The following UNC13C variants were observed in gnomAD, a reference collection of about 807,000 sequenced individuals.
The protein encoded by UNC13C is unc-13 homolog C.
In UNC13C, 174 loss-of-function variants were observed where a neutral mutation model predicts 245.4. That is an observed-to-expected ratio of 0.71 (90% CI 0.63 to 0.80). UNC13C has a LOEUF of 0.80. UNC13C is among the 30% of genes least tolerant of loss of function. UNC13C has a pLI of 0.00. For missense variants in UNC13C, 2,829 were observed against 2,602.9 expected (o/e 1.09, Z -1.89); for synonymous variants, 992 against 895.1 (o/e 1.11, Z -1.93).
At chr15:54,362,238 G>T (rs1225527498) in intron 17 of UNC13C, among the ~76,000 whole-genome samples, 1 of 152,224 alleles carries the variant, frequency 6.6e-6, no homozygotes, top group East Asian at 1.9e-4. Flanking sequence ...TGGAACTGGA[G>T]TTGGCTTCCC....
At chr15:53,919,702 T>C in the UNC13C span, among the ~76,000 whole-genome samples, 1 of 152,214 alleles carries the variant, frequency 6.6e-6, no homozygotes, top group African/African-American at 2.4e-5. Context: ...AAGAATGAGA[T>C]TGAGAGTCTG....
chr15:54,234,117 C>A (rs1019762812), intron 4 of UNC13C, among the ~76,000 whole-genome samples: 21 of 132,666 alleles, frequency 1.6e-4, no homozygotes, highest in African/African-American at 6.2e-4. Context: ...GGATTTTTCT[C>A]TTTCTCTCAC....
intron 4 of UNC13C, among the ~76,000 whole-genome samples, chr15:54,232,382 T>C (rs959367403): frequency 2.0e-5 from 3 of 152,134 alleles, no homozygotes; most frequent in Non-Finnish European, 2.9e-5. Context: ...CTCATATTTG[T>C]CCTAGGTCCT....
chr15:54,614,232 T>C (rs1016727707), intron 30 of UNC13C, among the ~76,000 whole-genome samples: 2 of 152,046 alleles, frequency 1.3e-5, no homozygotes, highest in Non-Finnish European at 2.9e-5. Flanking sequence ...AGTGTCTTAT[T>C]CTGTTTTAAC....
chr15:54,141,995 G>A (rs2032044749), intron 2 of UNC13C, among the ~76,000 whole-genome samples: 1 of 152,014 alleles, frequency 6.6e-6, no homozygotes, highest in Non-Finnish European at 1.5e-5. Flanking sequence ...ATATAAACAA[G>A]GGATTTGAAC....
At chr15:54,203,770 A>ATGTCTGTG in intron 4 of UNC13C, among the ~76,000 whole-genome samples, 2 of 111,836 alleles carry the variant, frequency 1.8e-5, no homozygotes, top group Non-Finnish European at 4.2e-5. Context: ...ATATATGTAT[A>ATGTCTGTG]TATACACACA....
intron 1 of UNC13C, among the ~76,000 whole-genome samples, chr15:53,996,637 C>G (rs963417314): frequency 6.6e-6 from 1 of 152,124 alleles, no homozygotes; most frequent in African/African-American, 2.4e-5. Flanking sequence ...AATCTCCACT[C>G]TTCATAGCCA....
intron 26 of UNC13C, among the ~76,000 whole-genome samples, chr15:54,533,616 C>T (rs1331862134): frequency 6.6e-6 from 1 of 152,182 alleles, no homozygotes; most frequent in Non-Finnish European, 1.5e-5. Context: ...GTCCCTGATA[C>T]CATGGAGATT....
intron 17 of UNC13C, among the ~76,000 whole-genome samples, chr15:54,352,721 A>G (rs535010534): frequency 6.6e-6 from 1 of 152,178 alleles, no homozygotes; most frequent in African/African-American, 2.4e-5. Flanking sequence ...CAGTAATCCA[A>G]TTTCCCCTTG....
intron 19 of UNC13C, among the ~76,000 whole-genome samples, chr15:54,477,506 T>C (rs1418778475): frequency 9.1e-6 from 1 of 110,230 alleles, no homozygotes; most frequent in African/African-American, 3.3e-5. Flanking sequence ...TTATTGAGAG[T>C]TTTTAGCATG....
At chr15:54,414,474 C>G (rs117478900) in intron 18 of UNC13C, among the ~76,000 whole-genome samples, 4,606 of 152,106 alleles carry the variant, frequency 0.03, 186 homozygotes, top group Admixed American at 0.12. Flanking sequence ...ATAGTGAAAC[C>G]CTGTCTCTAC....
intron 2 of UNC13C, among the ~76,000 whole-genome samples, chr15:54,063,452 T>G (rs1319569715): frequency 1.3e-5 from 2 of 151,976 alleles, no homozygotes; most frequent in Non-Finnish European, 2.9e-5. Flanking sequence ...ACCAACTGTT[T>G]CCTTCATTTC....
intron 2 of UNC13C, among the ~76,000 whole-genome samples, chr15:54,082,489 G>C (rs1899002409): frequency 6.6e-6 from 1 of 151,758 alleles, no homozygotes; most frequent in African/African-American, 2.4e-5. Context: ...TGTCTGACTG[G>C]GTTGCTTTGT....
At chr15:53,915,297 C>T in the UNC13C span, among the ~76,000 whole-genome samples, 1,902 of 152,284 alleles carry the variant, frequency 0.012, 46 homozygotes, top group African/African-American at 0.044. Flanking sequence ...TATAGGTCAG[C>T]TTCCAACACT....
intron 2 of UNC13C, among the ~76,000 whole-genome samples, chr15:54,061,755 G>T (rs942170821): frequency 6.6e-6 from 1 of 152,180 alleles, no homozygotes; most frequent in African/African-American, 2.4e-5. Flanking sequence ...ACTGTATGCA[G>T]CCTGATAATG....
intron 30 of UNC13C, among the ~76,000 whole-genome samples, chr15:54,589,129 C>T (rs896245797): frequency 1.3e-5 from 2 of 152,030 alleles, no homozygotes; most frequent in African/African-American, 4.8e-5. Flanking sequence ...CTGATCACCG[C>T]AATGACACCA....
intron 8 of UNC13C, among the ~76,000 whole-genome samples, chr15:54,257,965 A>T (rs1351357082): frequency 6.6e-6 from 1 of 152,208 alleles, no homozygotes; most frequent in Non-Finnish European, 1.5e-5. Flanking sequence ...CAATGAAAGC[A>T]GGCCCACCTA....
intron 19 of UNC13C, among the ~76,000 whole-genome samples, chr15:54,438,212 T>C (rs1007472364): frequency 6.6e-6 from 1 of 151,918 alleles, no homozygotes; most frequent in African/African-American, 2.4e-5. Context: ...ATAGAACTTC[T>C]AAACTGCATA....
intron 19 of UNC13C, among the ~76,000 whole-genome samples, chr15:54,442,654 A>T (rs1890594287): frequency 6.6e-6 from 1 of 152,072 alleles, no homozygotes; most frequent in South Asian, 2.1e-4. Flanking sequence ...TTTATCATGA[A>T]AGGATGCTTT....
Sources: gnomAD v4.1 joint callset for allele counts (sites outside exome capture counted in the v4.1 genomes callset) on GRCh38, gnomAD v4.1.1 for gene constraint, MANE v1.5 for transcripts, NCBI Gene and HGNC (gene_info 2026-07-23, HGNC 2026-07-21) for gene names.